TWF2: variants seen among roughly 807,000 people sequenced by gnomAD.
TWF2 encodes the protein twinfilin actin binding protein 2.
A neutral mutation model predicts 45.1 loss-of-function variants in TWF2; 15 were observed. The ratio of observed to expected loss-of-function variants is 0.33; its 90% CI spans 0.22 to 0.51. TWF2 has a LOEUF of 0.51. Ranked by LOEUF, TWF2 falls within the 20% of genes least tolerant of loss-of-function variation. TWF2 has a pLI of 0.97. For synonymous variants in TWF2, 177 were observed against 195.8 expected, an observed-to-expected ratio of 0.90 and a Z score of 0.80; for missense variants, 423 against 469.1, an observed-to-expected ratio of 0.90 and a Z score of 0.91.
At chr3:52,234,357 T>C (rs901055563) in intron 2 of TWF2, among the ~76,000 whole-genome samples, 4 of 152,100 alleles carry the variant, frequency 2.6e-5, no homozygotes, top group Admixed American at 2.6e-4. Flanking sequence ...GAAAAAATGT[T>C]CTCTGGCCTC....
At chr3:52,235,890 G>A (rs1395466771) in intron 1 of TWF2, among the ~76,000 whole-genome samples, 1 of 152,198 alleles carries the variant, frequency 6.6e-6, no homozygotes, top group African/African-American at 2.4e-5. Context: ...GAGACCCCGA[G>A]GAGCCACAGC....
At chr3:52,232,976 A>T (rs961846433) in intron 2 of TWF2, among the ~76,000 whole-genome samples, 1 of 152,080 alleles carries the variant, frequency 6.6e-6, no homozygotes, top group African/African-American at 2.4e-5. Flanking sequence ...GCGCCATTGC[A>T]CTCCAGCCTG....
intron 2 of TWF2, 105 bp from the exon 3 acceptor site, chr3:52,232,227 C>A: frequency 7.4e-7 from 1 of 1,353,974 alleles, no homozygotes; most frequent in Non-Finnish European, 9.7e-7. Flanking sequence ...GAGCCGCCGG[C>A]TGCCCCTCAC....
In TWF2 at chr3:52,231,172, C is replaced by T. The variant is rs763370027; in HGVS notation, c.438G>A (p.Pro146=). Residue 146 remains proline, a synonymous_variant, in exon 5 of 9, where the codon CCG becomes CCA. Transcript: ENST00000305533. ...KHLSSCAAPA[P]LTSAERELQQ... is the part of the protein sequence containing the mutation. ...GGAGCTCTCTCTCAGCCGAGGTCAG[C>T]GGGGCAGGTGCCGCACAGGACGACA... is the stretch of plus-strand genomic sequence containing the variant. 1.3e-5 allele frequency: 21 copies of T among 1,613,878 alleles called. No homozygotes were observed. In the South Asian group the frequency reaches 1.4e-4, roughly 11 times the overall value.
rs1658105049 is a variant in TWF2 at position 52,230,824 on chromosome 3, G to A, written c.609+46C>T. On this transcript the variant is annotated intron_variant, in intron 6 of 8. Transcript: ENST00000305533. ...CATCTGCACATGTGCATGGGCAGGA[G>A]TAGGGGTGGTGGCAGCATGTGCCAG... is the stretch of plus-strand genomic sequence containing the variant. 28 of 1,595,608 alleles carry A rather than the reference G, an allele frequency of 1.8e-5. No individual in the cohort carries two copies. In the East Asian group the frequency reaches 6.1e-4, roughly 35 times the overall value.
intron 1 of TWF2, among the ~76,000 whole-genome samples, chr3:52,237,995 G>C (rs746231994): frequency 9.9e-5 from 15 of 152,234 alleles, no homozygotes; most frequent in Non-Finnish European, 1.9e-4. Flanking sequence ...GACAGAGGAG[G>C]ACACTGAGCC....
chr3:52,231,080 G>C lies in TWF2; in HGVS notation c.483+47C>G, dbSNP rs202123587. The C allele has an allele frequency of 1.6e-4, 262 of 1,612,594 alleles. No homozygotes were observed. The African/African-American group carries it at 3.0e-3, about 18-fold the overall frequency. ...AGGCAGCACAGGCTGCCACTGGGCC[G>C]ATATGACCCTGAGGGCTCAAGGCTG... On this transcript the variant is annotated intron_variant, in intron 5 of 8. Transcript: ENST00000305533.
chr3:52,236,121 C>G (rs1699723501), intron 1 of TWF2, among the ~76,000 whole-genome samples: 2 of 152,004 alleles, frequency 1.3e-5, no homozygotes, highest in South Asian at 4.2e-4. Context: ...GCCAACATGG[C>G]AAAACCCCAT....
intron 1 of TWF2, among the ~76,000 whole-genome samples, chr3:52,238,103 C>T (rs996149258): frequency 6.6e-6 from 1 of 152,058 alleles, no homozygotes; most frequent in East Asian, 1.9e-4. Context: ...GGGTGTGATG[C>T]GGGAATGGTG....
intron 1 of TWF2, among the ~76,000 whole-genome samples, chr3:52,237,275 C>T (rs532052035): frequency 1.3e-5 from 2 of 152,324 alleles, no homozygotes; most frequent in Middle Eastern, 3.4e-3. Flanking sequence ...CCTGGGACAC[C>T]TGAGCCTCTA....
intron 8 of TWF2, 110 bp from the exon 9 acceptor site, chr3:52,229,311 G>A: frequency 7.2e-7 from 1 of 1,394,416 alleles, no homozygotes; most frequent in Admixed American, 2.5e-5. Flanking sequence ...TAGCCCTGGG[G>A]TCTCCTGAGG....
rs768600338 is a variant in TWF2, at chr3:52,235,122, A to T, written c.26-16T>A. The T allele has an allele frequency of 6.2e-7, 1 of 1,613,526 alleles. No individual in the cohort carries two copies. Among genetic ancestry groups the T allele is most frequent in the South Asian group, 1.1e-5 (1 of 91,072 alleles). On this transcript the variant is annotated splice_polypyrimidine_tract_variant and intron_variant, in intron 1 of 8. Transcript: ENST00000305533. ...TCTTCCGTGGCTATAAGAACAAGAA[A>T]CATGGTGGGGGATGAGTGGGCAGAG...
chr3:52,236,175 C>T (rs1559442515), intron 1 of TWF2, among the ~76,000 whole-genome samples: 2 of 152,066 alleles, frequency 1.3e-5, no homozygotes, highest in South Asian at 4.1e-4. Context: ...GTAGCACGCA[C>T]CTGTAATCCC....
At position 52,229,777 on chromosome 3, in the gene TWF2, T is replaced by G; in HGVS notation, c.766A>C (p.Ile256Leu). The G allele has an allele frequency of 1.2e-6, 2 of 1,612,204 alleles. No individual in the cohort carries two copies. Among genetic ancestry groups the G allele is most frequent in the Non-Finnish European group, 8.5e-7 (1 of 1,179,466 alleles). Residue 256 changes from isoleucine (I) to leucine (L), a missense_variant, in exon 8 of 9, where the codon ATC becomes CTC. Transcript: ENST00000305533. ...EGDPLESVVFIYSMPGYKCSI... is the reference protein window; with the variant it reads ...EGDPLESVVFLYSMPGYKCSI... ...CACTTGTACCCCGGCATGGAGTAGATGAACACTGTTGGGGGGCAGGAGGTG... is the reference window on the plus strand; with the variant it reads ...CACTTGTACCCCGGCATGGAGTAGAGGAACACTGTTGGGGGGCAGGAGGTG...
At chr3:52,235,513 C>T (rs918458884) in intron 1 of TWF2, among the ~76,000 whole-genome samples, 2 of 152,148 alleles carry the variant, frequency 1.3e-5, no homozygotes, top group African/African-American at 4.8e-5. Context: ...ACAAATGCCC[C>T]CACTGTGCAA....
At chr3:52,236,414 G>A (rs1008589930) in intron 1 of TWF2, among the ~76,000 whole-genome samples, 3 of 152,156 alleles carry the variant, frequency 2.0e-5, no homozygotes, top group African/African-American at 4.8e-5. Flanking sequence ...CATGGTGAGA[G>A]CTGGGGAGCC....
At chr3:52,238,908 G>T in intron 1 of TWF2, 84 bp downstream of exon 1, 1 of 1,505,656 alleles carries the variant, frequency 6.6e-7, no homozygotes, top group Non-Finnish European at 8.9e-7. Context: ...CTGGTGTGGG[G>T]TGGAGGGAGG....
intron 2 of TWF2, among the ~76,000 whole-genome samples, chr3:52,233,407 C>A (rs1699696917): frequency 6.6e-6 from 1 of 152,224 alleles, no homozygotes; most frequent in Admixed American, 6.5e-5. Context: ...GTCAACATTG[C>A]TTAATTTGTT....
chr3:52,234,951 A>G (rs1473863787), intron 2 of TWF2, 78 bp downstream of exon 2: 1 of 1,544,216 alleles, frequency 6.5e-7, no homozygotes, highest in African/African-American at 1.4e-5. Flanking sequence ...GCCAGGGGCC[A>G]ACATCCTCCT....
Sources: allele counts gnomAD v4.1 joint callset (sites outside exome capture counted in the v4.1 genomes callset), GRCh38; gene constraint gnomAD v4.1.1; transcripts MANE v1.5; gene names NCBI Gene and HGNC (gene_info 2026-07-23, HGNC 2026-07-21).